The following RRM1 variants were observed in gnomAD, a reference collection of about 807,000 sequenced individuals.
RRM1 encodes ribonucleoside-diphosphate reductase large subunit.
In RRM1, 19 loss-of-function variants were observed where a neutral mutation model predicts 101.5. The observed-to-expected ratio is 0.19, with a 90% CI of 0.13 to 0.27. RRM1 has a LOEUF of 0.27. Among genes scored for constraint, RRM1 ranks in the 10% least tolerant of loss-of-function variants. RRM1 has a pLI of 1.00. For missense variants in RRM1, 500 were observed against 962.9 expected (o/e 0.52, Z 6.36); for synonymous variants, 298 against 323.4 (o/e 0.92, Z 0.84).
Position 4,132,665 on chromosome 11 carries a change from T to G in RRM1, c.1905+244T>G, listed in dbSNP as rs1471716550. On this transcript the variant is annotated intron_variant, in intron 16 of 18. Transcript: ENST00000300738. The surrounding 1 kb of genome is among the most constrained non-coding windows in gnomAD (Gnocchi z 4.1). ...AGTATGAAAGTAAGTTGTTGATAGTTAAACATGATGTTTAACCATTATGTA... is the reference window on the plus strand; with the variant it reads ...AGTATGAAAGTAAGTTGTTGATAGTGAAACATGATGTTTAACCATTATGTA... 6.6e-6 allele frequency among the ~76,000 whole-genome samples: 1 copy of G among 152,234 alleles called. No homozygotes were observed. The highest frequency in any genetic ancestry group is 1.9e-4 in the East Asian group (1 of 5,200).
chr11:4,105,471 G>A (rs1428873108), intron 2 of RRM1: 6 of 342,218 alleles, frequency 1.8e-5, no homozygotes, highest in Admixed American at 4.2e-5. Context: ...GCTCAAGCGA[G>A]CCTCCTACCT....
At chr11:4,124,429 T>C (rs1234553622) in intron 12 of RRM1, among the ~76,000 whole-genome samples, 3 of 152,206 alleles carry the variant, frequency 2.0e-5, no homozygotes. Context: ...GAGTTAAATA[T>C]ACTGCTAAGG....
chr11:4,124,374 C>CT, intron 12 of RRM1, among the ~76,000 whole-genome samples: 1 of 150,876 alleles, frequency 6.6e-6, no homozygotes, highest in South Asian at 2.1e-4. Flanking sequence ...ATTCTAGGAC[C>CT]TTAAAAAAAA....
intron 10 of RRM1, 36 bp downstream of exon 10, chr11:4,121,801 A>G: frequency 6.5e-7 from 1 of 1,549,046 alleles, no homozygotes; most frequent in Non-Finnish European, 8.7e-7. Context: ...TAGCAACTTG[A>G]TTCACATGAG....
chr11:4,095,731 T>TC (rs2094542669), intron 1 of RRM1, among the ~76,000 whole-genome samples: 1 of 152,178 alleles, frequency 6.6e-6, no homozygotes, highest in Non-Finnish European at 1.5e-5. Context: ...GTATTCTTTC[T>TC]CAACAGTTCT....
At chr11:4,122,308 G>A in intron 11 of RRM1, 88 bp downstream of exon 11, 1 of 960,372 alleles carries the variant, frequency 1.0e-6, no homozygotes, top group Non-Finnish European at 1.6e-6. Flanking sequence ...TACTTGTCAA[G>A]AATCTTTTGA....
chr11:4,111,239 C>T (rs983040463), intron 5 of RRM1, among the ~76,000 whole-genome samples: 5 of 151,594 alleles, frequency 3.3e-5, no homozygotes, highest in Admixed American at 6.6e-5. Context: ...AACCCTGTCT[C>T]TACTAAAAAT....
chr11:4,106,200 A>G lies in RRM1; in HGVS notation c.263A>G (p.Lys88Arg), dbSNP rs1376097413. The G allele has an allele frequency of 6.8e-6, 11 of 1,613,466 alleles. No homozygotes were observed. The highest frequency in any genetic ancestry group is 9.3e-6 in the Non-Finnish European group (11 of 1,179,822). Residue 88 changes from lysine to arginine, a missense_variant, in exon 3 of 19, where the codon AAA (lysine) becomes AGA (arginine). This residue lies in a region of RRM1 where 44 missense variants were observed against 119.4 expected (regional missense o/e 0.37). Transcript: ENST00000300738. ...AARIAVSNLHKETKKVFSDVM... is the reference protein window; with the variant it reads ...AARIAVSNLHRETKKVFSDVM... Reference sequence around the variant, plus strand: ...AGGATCGCTGTCTCTAACTTGCACAAAGAAACAAAGAAAGTGTTCAGTGGT... The same window carrying G: ...AGGATCGCTGTCTCTAACTTGCACAGAGAAACAAAGAAAGTGTTCAGTGGT...
chr11:4,110,010 G>A (rs1243803773), intron 5 of RRM1, among the ~76,000 whole-genome samples: 1 of 152,124 alleles, frequency 6.6e-6, no homozygotes, highest in Non-Finnish European at 1.5e-5. Flanking sequence ...GTATAGTGTA[G>A]TGACTGAGAA....
chr11:4,108,597 CAA>C (rs754848612), intron 4 of RRM1, among the ~76,000 whole-genome samples: 6 of 72,984 alleles, frequency 8.2e-5, no homozygotes, highest in African/African-American at 2.4e-4. Context: ...GACTCAGTCT[CAA>C]AAAAAAAAAA....
chr11:4,122,335 A>G, intron 11 of RRM1, 115 bp downstream of exon 11: 2 of 722,244 alleles, frequency 2.8e-6, no homozygotes, highest in Non-Finnish European at 4.3e-6. Flanking sequence ...TAAGAGAAAA[A>G]GTGACTAATA....
At chr11:4,127,284 C>A in intron 14 of RRM1, 28 bp downstream of exon 14, 1 of 1,430,450 alleles carries the variant, frequency 7.0e-7, no homozygotes, top group African/African-American at 1.4e-5. Context: ...ATTGTTTTTG[C>A]CTGTGAGTAC....
Position 4,109,631 on chromosome 11 carries a change from TC to T in RRM1, c.388-12del, listed in dbSNP as rs1190573201. Reference sequence around the variant, plus strand: ...TTTTAATTTAATTATGGGTTCTTTTTCACCCCTATCAGCGCCTGAATTCTGC... The same window carrying T: ...TTTTAATTTAATTATGGGTTCTTTTTACCCCTATCAGCGCCTGAATTCTGC... On this transcript the variant is annotated splice_polypyrimidine_tract_variant and intron_variant, in intron 4 of 18. Coordinates refer to ENST00000300738, the MANE Select transcript of RRM1 (RefSeq NM_001033.5). The T allele has an allele frequency of 1.9e-6, 3 of 1,596,066 alleles. No individual in the cohort carries two copies. The highest frequency in any genetic ancestry group is 2.6e-6 in the Non-Finnish European group (3 of 1,171,616).
intron 8 of RRM1, among the ~76,000 whole-genome samples, chr11:4,118,782 G>T (rs1312888499): frequency 6.6e-6 from 1 of 152,122 alleles, no homozygotes; most frequent in Non-Finnish European, 1.5e-5. Flanking sequence ...TTTTACATGA[G>T]GTACTCATTT....
intron 18 of RRM1, chr11:4,137,184 C>G (rs900244259): frequency 4.0e-6 from 1 of 252,112 alleles, no homozygotes; most frequent in Non-Finnish European, 7.7e-6. Context: ...TACACAGACA[C>G]GGCAACCATC....
intron 18 of RRM1, chr11:4,137,060 A>G (rs368379484): frequency 4.7e-6 from 1 of 214,252 alleles, no homozygotes; most frequent in South Asian, 6.6e-5. Context: ...GACACAGCAC[A>G]TGTTTCAGAG....
chr11:4,098,152 C>T (rs1034899908), intron 1 of RRM1, among the ~76,000 whole-genome samples: 4 of 152,140 alleles, frequency 2.6e-5, no homozygotes, highest in Admixed American at 6.5e-5. Context: ...AAACATTTTA[C>T]AGACATGTGT....
intron 6 of RRM1, 85 bp from the exon 7 acceptor site, chr11:4,111,815 G>T (rs376581575): frequency 1.5e-6 from 2 of 1,351,306 alleles, no homozygotes; most frequent in African/African-American, 2.9e-5. Flanking sequence ...GTTTCCTTTT[G>T]GTGTCCTTTT....
intron 5 of RRM1, among the ~76,000 whole-genome samples, chr11:4,110,257 G>A (rs569226258): frequency 6.6e-6 from 1 of 152,146 alleles, no homozygotes; most frequent in Admixed American, 6.5e-5. Flanking sequence ...AGTATAAGCA[G>A]TTCTCCTGCC....
Sources: gnomAD v4.1 joint callset for allele counts (sites outside exome capture counted in the v4.1 genomes callset) on GRCh38, gnomAD v4.1.1 for gene constraint, gnomAD v4.1.1 regional missense constraint, Gnocchi (gnomAD v3.1) non-coding constraint, MANE v1.5 for transcripts, NCBI Gene and HGNC (gene_info 2026-07-23, HGNC 2026-07-21) for gene names.